The following QPCTL variants were observed in gnomAD, a reference collection of about 807,000 sequenced individuals.
QPCTL encodes glutaminyl-peptide cyclotransferase-like protein.
Under a neutral mutation model 34.6 loss-of-function variants are expected in QPCTL, and 31 were observed. The observed-to-expected ratio is 0.90, with a 90% confidence interval of 0.67 to 1.21. The LOEUF (loss-of-function observed/expected upper bound fraction) is 1.21, where lower values mean the gene tolerates loss of function less well. QPCTL is among the 50% of genes most tolerant of loss of function. The pLI is 0.00. For missense variants in QPCTL, 474 were observed against 507.8 expected, an observed-to-expected ratio of 0.93 and a Z score of 0.64; for synonymous variants, 223 against 226.9, an observed-to-expected ratio of 0.98 and a Z score of 0.15.
At chr19:45,698,958 T>A in intron 5 of QPCTL, 58 bp downstream of exon 5, 1 of 1,500,076 alleles carries the variant, frequency 6.7e-7, no homozygotes, top group South Asian at 1.1e-5. Flanking sequence ...TACAGGGCGG[T>A]GGGCTGGGGT....
intron 3 of QPCTL, 92 bp from the exon 4 acceptor site, chr19:45,698,450 GTTCTC>G (rs1401203864): frequency 2.1e-6 from 3 of 1,446,060 alleles, no homozygotes; most frequent in African/African-American, 1.4e-5. Context: ...CACCTTATGT[GTTCTC>G]TTAAGCATGC....
At chr19:45,697,420 C>A (rs1191137684) in intron 3 of QPCTL, among the ~76,000 whole-genome samples, 1 of 105,814 alleles carries the variant, frequency 9.5e-6, no homozygotes, top group Non-Finnish European at 1.8e-5. Flanking sequence ...AGCGAGACTC[C>A]GTCTCAAAAA....
In QPCTL at chr19:45,698,647, A is replaced by T; in HGVS notation, c.734A>T (p.Gln245Leu). 1 of 1,614,158 alleles carries T rather than the reference A, an allele frequency of 6.2e-7. No homozygotes were observed. The highest frequency in any genetic ancestry group is 1.1e-5 in the South Asian group (1 of 91,088). Residue 245 changes from glutamine (Q) to leucine (L), a missense_variant, in exon 4 of 7, where the codon CAG (glutamine) becomes CTG (leucine). Transcript: ENST00000012049. ...CTTTACGGTTCCCGGCACCTGGCCC[A>T]GCTCATGGAGTCTATACCTCACAGC... ...DSLYGSRHLAQLMESIPHSPG... is the reference protein window; with the variant it reads ...DSLYGSRHLALLMESIPHSPG...
At position 45,698,700 on chromosome 19, in the gene QPCTL, G is replaced by T. The variant is rs753296164; in HGVS notation, c.786+1G>T. ...CGGCCCCACCAGGATCCAGGCTATTGTAAGACCAGGGTCCCCTGGCTTCTG... is the reference window on the plus strand; with the variant it reads ...CGGCCCCACCAGGATCCAGGCTATTTTAAGACCAGGGTCCCCTGGCTTCTG... On this transcript the variant is annotated splice_donor_variant, in intron 4 of 6. Coordinates refer to ENST00000012049, the MANE Select transcript of QPCTL (RefSeq NM_017659.4). LOFTEE classifies it high-confidence loss of function. The T allele has an allele frequency of 1.4e-5, 23 of 1,613,994 alleles. No individual in the cohort carries two copies. Among genetic ancestry groups the T allele is most frequent in the Non-Finnish European group, 1.5e-5 (18 of 1,179,996 alleles).
At chr19:45,694,030 C>G (rs1445800078) in intron 2 of QPCTL, among the ~76,000 whole-genome samples, 1 of 152,096 alleles carries the variant, frequency 6.6e-6, no homozygotes, top group Non-Finnish European at 1.5e-5. Flanking sequence ...TGAACCCAAA[C>G]AGGTTGGCTC....
intron 5 of QPCTL, 146 bp from the exon 6 acceptor site, chr19:45,701,652 G>T: frequency 1.6e-6 from 1 of 636,842 alleles, no homozygotes. Flanking sequence ...AACATAGTGA[G>T]CCCACAGGAA....
chr19:45,702,818 A>G, intron 6 of QPCTL, 86 bp from the exon 7 acceptor site: 1 of 1,538,548 alleles, frequency 6.5e-7, no homozygotes, highest in Non-Finnish European at 8.9e-7. Context: ...TGTGGTGGCA[A>G]GGCAAGGTTA....
In QPCTL at chr19:45,697,104, A is replaced by G. The variant is rs1429754122; in HGVS notation, c.633+1386A>G. On this transcript the variant is annotated intron_variant, in intron 3 of 6. Transcript: ENST00000012049. ...CACTGCACTCCAGCCTGGATGACAGAGCGAGATTCTGTCTCAAAACAAACA... is the reference window on the plus strand; with the variant it reads ...CACTGCACTCCAGCCTGGATGACAGGGCGAGATTCTGTCTCAAAACAAACA... Among the ~76,000 whole-genome samples, 5 of 151,644 alleles carry G rather than the reference A, an allele frequency of 3.3e-5. No individual in the cohort carries two copies. In the East Asian group the frequency reaches 9.8e-4, roughly 30 times the overall value.
At chr19:45,700,701 C>G (rs1325419403) in intron 5 of QPCTL, among the ~76,000 whole-genome samples, 2 of 152,062 alleles carry the variant, frequency 1.3e-5, no homozygotes, top group African/African-American at 4.8e-5. Flanking sequence ...TGGCTCATGC[C>G]TGTAATCCCA....
chr19:45,695,613 C>T lies in QPCTL; in HGVS notation c.528C>T (p.Pro176=), dbSNP rs1304616961. 3.7e-6 allele frequency: 6 copies of T among 1,614,032 alleles called. No individual in the cohort carries two copies. The highest frequency in any genetic ancestry group is 2.2e-5 in the South Asian group (2 of 91,088). The part of the protein sequence containing the change: ...ACHYDSKLFP[P]GSTPFVGATD... The stretch of plus-strand genomic sequence containing the variant: ...ATTATGACTCGAAGCTCTTCCCACC[C>T]GGATCGACCCCCTTTGTAGGGGCCA... Residue 176 remains proline, a synonymous_variant, in exon 3 of 7, where the codon CCC becomes CCT. Coordinates refer to ENST00000012049, the MANE Select transcript of QPCTL (RefSeq NM_017659.4).
chr19:45,702,462 CAA>C (rs1250428976), intron 6 of QPCTL, among the ~76,000 whole-genome samples: 1 of 129,298 alleles, frequency 7.7e-6, no homozygotes, highest in Non-Finnish European at 1.7e-5. Context: ...GATGATATCT[CAA>C]AAAAAAAAAA....
Position 45,695,505 on chromosome 19 carries a change from A to C in QPCTL, c.420A>C (p.Ser140=), listed in dbSNP as rs751590196. The change falls in exon 3 of 7, where the codon TCA becomes TCC. Residue 140 remains serine, a synonymous_variant. Transcript: ENST00000012049. ...WHVELDPFTA[S]TPLGPVDFGN... ...TGGAGCTGGATCCCTTCACAGCCTC[A>C]ACACCCCTGGGGCCAGTGGACTTTG... The C allele has an allele frequency of 6.2e-7, 1 of 1,613,902 alleles. No homozygotes were observed. Among genetic ancestry groups the C allele is most frequent in the South Asian group, 1.1e-5 (1 of 91,072 alleles).
At chr19:45,697,045 G>A (rs553195796) in intron 3 of QPCTL, among the ~76,000 whole-genome samples, 9 of 152,082 alleles carry the variant, frequency 5.9e-5, no homozygotes, top group South Asian at 4.2e-4. Flanking sequence ...ACTTGAAACT[G>A]AGAGGCGGAG....
chr19:45,700,031 G>A (rs983989032), intron 5 of QPCTL, among the ~76,000 whole-genome samples: 4 of 151,772 alleles, frequency 2.6e-5, no homozygotes, highest in Admixed American at 1.3e-4. Context: ...AGTCTGGGAG[G>A]TCGAGGCTGC....
In QPCTL at chr19:45,698,866, C is replaced by T. The variant is rs1406954310; in HGVS notation, c.852C>T (p.Arg284=). 6.2e-7 allele frequency: 1 copy of T among 1,614,026 alleles called. No homozygotes were observed. The highest frequency in any genetic ancestry group is 2.2e-5 in the East Asian group (1 of 44,860). The stretch of plus-strand genomic sequence containing the variant: ...CCACCTTCTACAGCCACTTCCCTCG[C>T]ACGGTCCGCTGGTTCCATCGGCTGA... The part of the protein sequence containing the change: ...PNPTFYSHFP[R]TVRWFHRLRS... The change falls in exon 5 of 7, where the codon CGC becomes CGT. Residue 284 remains arginine, a synonymous_variant. Transcript: ENST00000012049.
chr19:45,703,337 CTTTTT>C lies in QPCTL; in HGVS notation c.*295_*299del, dbSNP rs11360726. ...AGGTTTGCAGGGACCAAATACTGTT[CTTTTT>C]TTTTTTGAGACGGAGTCTCACTGTG... On this transcript the variant is annotated 3_prime_UTR_variant, in exon 7 of 7. Coordinates refer to ENST00000012049, the MANE Select transcript of QPCTL (RefSeq NM_017659.4). 4.0e-5 allele frequency: 10 copies of C among 249,002 alleles called. No homozygotes were observed. In the South Asian group the frequency reaches 6.1e-4, roughly 15 times the overall value. 15.4% of individuals were successfully genotyped at this position (249,002 alleles called of 1,614,324 possible). A position where few individuals can be genotyped will look rare whatever the true frequency, so the allele number is the denominator to read the frequency against.
intron 2 of QPCTL, among the ~76,000 whole-genome samples, chr19:45,694,146 G>A (rs981388395): frequency 9.2e-5 from 14 of 152,140 alleles, no homozygotes; most frequent in Non-Finnish European, 1.6e-4. Context: ...TTGGGAGGCC[G>A]AGACAGGCAG....
intron 5 of QPCTL, 36 bp downstream of exon 5, chr19:45,698,936 TG>T (rs745444742): frequency 6.4e-7 from 1 of 1,572,438 alleles, no homozygotes; most frequent in East Asian, 2.2e-5. Context: ...CCAGCCCACC[TG>T]GGGTATGGGG....
intron 3 of QPCTL, among the ~76,000 whole-genome samples, chr19:45,697,439 A>AG (rs398034799): frequency 6.6e-6 from 1 of 150,802 alleles, no homozygotes; most frequent in East Asian, 1.9e-4. Flanking sequence ...AAAAAAAAAA[A>AG]GAAAGAAAAA....
Sources: gnomAD v4.1 joint callset for allele counts (sites outside exome capture counted in the v4.1 genomes callset) on GRCh38, gnomAD v4.1.1 for gene constraint, MANE v1.5 for transcripts, NCBI Gene and HGNC (gene_info 2026-07-23, HGNC 2026-07-21) for gene names.